Variants in PDZRN3 observed in about 807,000 individuals in gnomAD.
PDZRN3 encodes E3 ubiquitin-protein ligase PDZRN3.
PDZRN3 carries 38 observed loss-of-function variants against 85.7 expected under a neutral mutation model. The observed-to-expected ratio is 0.44, with a 90% CI of 0.34 to 0.58. PDZRN3 has a LOEUF of 0.58. PDZRN3 is among the 20% of genes least tolerant of loss of function. The pLI is 0.01. For synonymous variants in PDZRN3, 759 were observed against 638.0 expected (o/e 1.19, Z -2.86); for missense variants, 1,629 against 1,506.4 (o/e 1.08, Z -1.35).
At chr3:73,490,733 CT>C (rs1703754502) in intron 3 of PDZRN3, among the ~76,000 whole-genome samples, 1 of 152,156 alleles carries the variant, frequency 6.6e-6, no homozygotes, top group African/African-American at 2.4e-5. Context: ...TAATGAAGGC[CT>C]GGTTCTCTGG....
At chr3:73,559,789 A>G (rs1396852523) in intron 3 of PDZRN3, among the ~76,000 whole-genome samples, 1 of 152,254 alleles carries the variant, frequency 6.6e-6, no homozygotes, top group African/African-American at 2.4e-5. Context: ...AGTTTGGCCA[A>G]GGCTGGAATA....
At position 73,384,769 on chromosome 3, in the gene PDZRN3, C is replaced by T. The variant is rs775370781; in HGVS notation, c.1797G>A (p.Pro599=). Residue 599 remains proline (P), a synonymous_variant, in exon 10 of 10, where the codon CCG becomes CCA. Transcript: ENST00000263666. ...AGGTGAGCTTCCTCTGCCCCGCCAG[C>T]GGGTTGGAGGATGCGGTGGCGTCGT... ...NGDDATASSN[P]LAGQRKLTCS... is the part of the protein sequence containing the mutation. The T allele has an allele frequency of 1.4e-5, 23 of 1,613,798 alleles. No homozygotes were observed. The East Asian group carries it at 3.3e-4, about 23-fold the overall frequency.
intron 3 of PDZRN3, among the ~76,000 whole-genome samples, chr3:73,597,491 C>G (rs1201124340): frequency 6.6e-6 from 1 of 152,122 alleles, no homozygotes; most frequent in Non-Finnish European, 1.5e-5. Flanking sequence ...AAGTCTCCCA[C>G]TTTCATTGGA....
intron 3 of PDZRN3, among the ~76,000 whole-genome samples, chr3:73,511,977 G>A (rs1273946989): frequency 6.6e-6 from 1 of 152,248 alleles, no homozygotes; most frequent in African/African-American, 2.4e-5. Flanking sequence ...ATGTGTTTAA[G>A]CAGCAGAGCC....
chr3:73,499,184 C>T (rs12632755), intron 3 of PDZRN3, among the ~76,000 whole-genome samples: 58,183 of 152,084 alleles, frequency 0.38, 13,544 homozygotes, highest in East Asian at 0.69. Flanking sequence ...TCCTTGTCCC[C>T]TTCAGCAAAT....
At chr3:73,466,549 T>C (rs890358198) in intron 3 of PDZRN3, among the ~76,000 whole-genome samples, 1 of 152,008 alleles carries the variant, frequency 6.6e-6, no homozygotes, top group Non-Finnish European at 1.5e-5. Flanking sequence ...CAGGAGAGAA[T>C]CCTTAGTGAG....
intron 3 of PDZRN3, among the ~76,000 whole-genome samples, chr3:73,519,948 TAGG>T (rs1246024033): frequency 6.6e-6 from 1 of 152,124 alleles, no homozygotes; most frequent in African/African-American, 2.4e-5. Context: ...CCTGCAGCTG[TAGG>T]AGGTGTTATT....
chr3:73,461,045 T>C (rs1054738976), intron 3 of PDZRN3, among the ~76,000 whole-genome samples: 1 of 152,116 alleles, frequency 6.6e-6, no homozygotes, highest in African/African-American at 2.4e-5. Context: ...CAAGCCACCT[T>C]GGCCTCCCAA....
At chr3:73,509,828 C>T (rs758323063) in intron 3 of PDZRN3, among the ~76,000 whole-genome samples, 2 of 152,176 alleles carry the variant, frequency 1.3e-5, no homozygotes, top group African/African-American at 2.4e-5. Flanking sequence ...CTGGCACGGG[C>T]GGGCGGCTCT....
Position 73,473,308 on chromosome 3 carries a change from T to C in PDZRN3, c.919-68913A>G, listed in dbSNP as rs1703384405. 2.0e-5 allele frequency among the ~76,000 whole-genome samples: 3 copies of C among 152,208 alleles called. No homozygotes were observed. In the South Asian group the frequency reaches 6.2e-4, roughly 31 times the overall value. On this transcript the variant is annotated intron_variant, in intron 3 of 9. Coordinates refer to ENST00000263666, the MANE Select transcript of PDZRN3 (RefSeq NM_015009.3). ...TTTGGTGCAAGTTCTCTGCAAATTC[T>C]ACCATTAGCCACATCCTTCCATGTC...
intron 3 of PDZRN3, among the ~76,000 whole-genome samples, chr3:73,495,023 G>T (rs965477350): frequency 1.3e-5 from 2 of 152,158 alleles, no homozygotes; most frequent in Non-Finnish European, 2.9e-5. Flanking sequence ...GACTACTAGA[G>T]GGGGGACAGA....
At chr3:73,618,164 T>C (rs1285371630) in intron 1 of PDZRN3, among the ~76,000 whole-genome samples, 1 of 152,238 alleles carries the variant, frequency 6.6e-6, no homozygotes, top group Non-Finnish European at 1.5e-5. Flanking sequence ...TGGCAAGTTA[T>C]TTAACTTTCT....
intron 3 of PDZRN3, among the ~76,000 whole-genome samples, chr3:73,578,999 A>G (rs1040835236): frequency 6.6e-6 from 1 of 152,108 alleles, no homozygotes; most frequent in African/African-American, 2.4e-5. Flanking sequence ...AGGTGCACTG[A>G]TTTTGGAAGG....
intron 3 of PDZRN3, among the ~76,000 whole-genome samples, chr3:73,460,970 T>A (rs972491783): frequency 6.6e-6 from 1 of 152,100 alleles, no homozygotes; most frequent in Admixed American, 6.6e-5. Flanking sequence ...ATTTTTGTAT[T>A]TTTAGTAGAG....
chr3:73,476,268 T>C (rs1703446783), intron 3 of PDZRN3, among the ~76,000 whole-genome samples: 1 of 152,128 alleles, frequency 6.6e-6, no homozygotes, highest in African/African-American at 2.4e-5. Flanking sequence ...CTTACAATCA[T>C]GGCAGAAGGT....
chr3:73,568,888 T>C (rs1701997587), intron 3 of PDZRN3, among the ~76,000 whole-genome samples: 1 of 152,222 alleles, frequency 6.6e-6, no homozygotes, highest in Non-Finnish European at 1.5e-5. Flanking sequence ...CTGTTTCTAT[T>C]TGATTCACGG....
chr3:73,437,024 C>T (rs375341636), intron 3 of PDZRN3, among the ~76,000 whole-genome samples: 3 of 135,182 alleles, frequency 2.2e-5, no homozygotes, highest in Admixed American at 8.2e-5. Context: ...TCCAGCCTGG[C>T]GACAGAGAAA....
At chr3:73,620,580 T>G (rs1258332241) in intron 1 of PDZRN3, among the ~76,000 whole-genome samples, 1 of 97,834 alleles carries the variant, frequency 1.0e-5, no homozygotes, top group Non-Finnish European at 2.2e-5. Context: ...GGGTTTTTTT[T>G]GTTTTTTTTT....
At chr3:73,467,298 C>A (rs1245277294) in intron 3 of PDZRN3, among the ~76,000 whole-genome samples, 1 of 152,244 alleles carries the variant, frequency 6.6e-6, no homozygotes, top group African/African-American at 2.4e-5. Context: ...CAACTGGAAT[C>A]TACCCAGGTG....
Sources: gnomAD v4.1 joint callset for allele counts (sites outside exome capture counted in the v4.1 genomes callset) on GRCh38, gnomAD v4.1.1 for gene constraint, MANE v1.5 for transcripts, NCBI Gene and HGNC (gene_info 2026-07-23, HGNC 2026-07-21) for gene names.